RNF150: variants seen among roughly 807,000 people sequenced by gnomAD.
The protein encoded by RNF150 is ring finger protein 150.
In RNF150, 24 loss-of-function variants were observed where a neutral mutation model predicts 39.3. That is an observed-to-expected ratio of 0.61 (90% CI 0.44 to 0.86). The LOEUF (loss-of-function observed/expected upper bound fraction) is 0.86, where lower values mean the gene tolerates loss of function less well. Among genes scored for constraint, RNF150 ranks in the 40% least tolerant of loss-of-function variants. The pLI is 0.00. For synonymous variants in RNF150, 255 were observed against 227.3 expected, an observed-to-expected ratio of 1.12 and a Z score of -1.10; for missense variants, 502 against 587.8, an observed-to-expected ratio of 0.85 and a Z score of 1.51.
intron 1 of RNF150, among the ~76,000 whole-genome samples, chr4:141,018,654 G>C (rs1052563221): frequency 1.3e-5 from 2 of 152,066 alleles, no homozygotes; most frequent in African/African-American, 4.8e-5. Flanking sequence ...TTTCAGCACA[G>C]AGTTTCCATC....
intron 6 of RNF150, among the ~76,000 whole-genome samples, chr4:140,882,601 G>A (rs955010981): frequency 6.6e-6 from 1 of 152,036 alleles, no homozygotes; most frequent in African/African-American, 2.4e-5. Flanking sequence ...ATATTTGGGT[G>A]CTCTGTTAGG....
intron 1 of RNF150, among the ~76,000 whole-genome samples, chr4:141,059,256 T>A (rs1255970223): frequency 6.6e-6 from 1 of 152,186 alleles, no homozygotes; most frequent in Non-Finnish European, 1.5e-5. Context: ...GTATGTTTAG[T>A]CGAATCGCTA....
At chr4:141,089,139 G>T (rs1373525521) in intron 1 of RNF150, among the ~76,000 whole-genome samples, 1 of 152,156 alleles carries the variant, frequency 6.6e-6, no homozygotes, top group African/African-American at 2.4e-5. Context: ...TGTTGCCTAG[G>T]TTGGACTCCA....
chr4:140,902,377 A>C (rs966228370), intron 6 of RNF150, among the ~76,000 whole-genome samples: 3 of 152,244 alleles, frequency 2.0e-5, no homozygotes, highest in African/African-American at 7.2e-5. Context: ...AGTGTAATGC[A>C]AATACAGCAT....
intron 1 of RNF150, among the ~76,000 whole-genome samples, chr4:141,174,189 C>CA (rs1253916257): frequency 6.6e-6 from 1 of 152,158 alleles, no homozygotes; most frequent in South Asian, 2.1e-4. Flanking sequence ...AAAGGCTGGG[C>CA]AAAAAATGTG....
chr4:141,154,857 T>TACCC (rs1384870743), intron 1 of RNF150, among the ~76,000 whole-genome samples: 1 of 152,196 alleles, frequency 6.6e-6, no homozygotes, highest in Non-Finnish European at 1.5e-5. Flanking sequence ...CATTTAGTTT[T>TACCC]ATCAGTAACC....
intron 5 of RNF150, among the ~76,000 whole-genome samples, chr4:140,918,754 A>G (rs1730965215): frequency 6.6e-6 from 1 of 152,036 alleles, no homozygotes. Flanking sequence ...TTAGACCAAT[A>G]TCCTTGACGA....
intron 1 of RNF150, among the ~76,000 whole-genome samples, chr4:141,068,252 A>T (rs973496476): frequency 1.3e-5 from 2 of 152,172 alleles, no homozygotes; most frequent in African/African-American, 2.4e-5. Flanking sequence ...GCCAAGATAC[A>T]TTCTTCTCAG....
At chr4:141,027,908 ATTTGTTTTTTTTTTTTTGT>A (rs1735765475) in intron 1 of RNF150, among the ~76,000 whole-genome samples, 1 of 59,106 alleles carries the variant, frequency 1.7e-5, no homozygotes, top group African/African-American at 5.9e-5. Context: ...TGAGCTTGGA[ATTTGTTTTTTTTTTTTTGT>A]TTTTTTTTTT....
rs542364081 is a variant in RNF150, at chr4:141,117,159, C to T, written c.484+15166G>A. Among the ~76,000 whole-genome samples the T allele has an allele frequency of 4.6e-5, 7 of 152,122 alleles. No individual in the cohort carries two copies. The South Asian group carries it at 6.2e-4, about 14-fold the overall frequency. On this transcript the variant is annotated intron_variant, in intron 1 of 6. Transcript: ENST00000515673. The stretch of plus-strand genomic sequence containing the variant: ...TTAAAGTATAATAAAAAAATATATA[C>T]GTACAAAAGAGATTACCATATCCAT...
intron 1 of RNF150, among the ~76,000 whole-genome samples, chr4:141,089,265 G>A (rs751607333): frequency 6.6e-6 from 1 of 151,286 alleles, no homozygotes; most frequent in African/African-American, 2.4e-5. Flanking sequence ...GTCAAATCAA[G>A]AGATAATAGG....
intron 1 of RNF150, among the ~76,000 whole-genome samples, chr4:141,010,205 T>G (rs1221060276): frequency 6.6e-6 from 1 of 152,166 alleles, no homozygotes; most frequent in East Asian, 1.9e-4. Context: ...TTATGAAAAT[T>G]TGAAGTAGAT....
At chr4:140,966,608 T>C (rs926479430) in intron 2 of RNF150, among the ~76,000 whole-genome samples, 1 of 152,166 alleles carries the variant, frequency 6.6e-6, no homozygotes, top group African/African-American at 2.4e-5. Context: ...AGATGTTCAA[T>C]GTTACTTGTA....
chr4:141,101,307 CA>C (rs1739000674), intron 1 of RNF150, among the ~76,000 whole-genome samples: 1 of 152,064 alleles, frequency 6.6e-6, no homozygotes, highest in African/African-American at 2.4e-5. Flanking sequence ...TTAAATCTTT[CA>C]TTTTATTTTT....
At chr4:141,071,472 G>A (rs1457095716) in intron 1 of RNF150, among the ~76,000 whole-genome samples, 1 of 151,770 alleles carries the variant, frequency 6.6e-6, no homozygotes, top group Admixed American at 6.6e-5. Flanking sequence ...TTATCAACAA[G>A]AAAAAAGGAA....
intron 1 of RNF150, among the ~76,000 whole-genome samples, chr4:141,104,645 T>C (rs1488732989): frequency 6.6e-6 from 1 of 152,248 alleles, no homozygotes; most frequent in Non-Finnish European, 1.5e-5. Context: ...TTCTATTCAA[T>C]GTCCCAAATC....
At chr4:141,080,215 A>G (rs1738097212) in intron 1 of RNF150, among the ~76,000 whole-genome samples, 2 of 152,206 alleles carry the variant, frequency 1.3e-5, no homozygotes, top group Admixed American at 1.3e-4. Context: ...TCTCTCCATA[A>G]TCATTCACAA....
At chr4:140,873,551 A>T (rs1244222068) in intron 6 of RNF150, among the ~76,000 whole-genome samples, 1 of 152,180 alleles carries the variant, frequency 6.6e-6, no homozygotes, top group Non-Finnish European at 1.5e-5. Context: ...GAAAAGAGAG[A>T]CTATAGTATT....
intron 1 of RNF150, among the ~76,000 whole-genome samples, chr4:140,974,792 T>C (rs372278495): frequency 1.3e-5 from 2 of 152,198 alleles, no homozygotes. Context: ...GCTCATAAAT[T>C]TGTCTTTATT....
Sources: allele counts gnomAD v4.1 joint callset (sites outside exome capture counted in the v4.1 genomes callset), GRCh38; gene constraint gnomAD v4.1.1; transcripts MANE v1.5; gene names NCBI Gene and HGNC (gene_info 2026-07-23, HGNC 2026-07-21).